PTPRJ: variants seen among roughly 807,000 people sequenced by gnomAD.
PTPRJ encodes the protein protein tyrosine phosphatase receptor type J.
A neutral mutation model predicts 141.3 loss-of-function variants in PTPRJ; 129 were observed. The ratio of observed to expected loss-of-function variants is 0.91; its 90% CI spans 0.79 to 1.06. PTPRJ has a LOEUF of 1.06. PTPRJ is among the 50% of genes least tolerant of loss of function. The probability of loss-of-function intolerance (pLI) is 0.00; values close to 1 mark genes in which losing one functional copy is unlikely to be tolerated. For missense variants in PTPRJ, 1,601 were observed against 1,679.7 expected (o/e 0.95, Z 0.82); for synonymous variants, 610 against 640.5 (o/e 0.95, Z 0.72).
intron 1 of PTPRJ, among the ~76,000 whole-genome samples, chr11:48,049,559 A>G (rs559783625): frequency 3.3e-5 from 5 of 149,376 alleles, no homozygotes; most frequent in South Asian, 2.1e-4. Flanking sequence ...ACAAAACAAA[A>G]CAAAACAAGT....
At chr11:48,111,280 C>CAAAAAA (rs10554961) in intron 2 of PTPRJ, among the ~76,000 whole-genome samples, 18 of 67,214 alleles carry the variant, frequency 2.7e-4, no homozygotes, top group South Asian at 6.0e-4. Flanking sequence ...AACTCCATCT[C>CAAAAAA]AAAAAAAAAA....
rs183335055 is a variant in PTPRJ, at chr11:47,984,153, C to T, written c.96+3145C>T. On this transcript the variant is annotated intron_variant, in intron 1 of 24. Transcript: ENST00000418331. ...CTTTGAGCTGACTTCAAGTTGGGCC[C>T]CACGATAAAGATAACCATGGAATAC... 8.5e-5 allele frequency among the ~76,000 whole-genome samples: 13 copies of T among 152,276 alleles called. No homozygotes were observed. The East Asian group carries it at 2.3e-3, about 27-fold the overall frequency.
At chr11:48,047,207 T>C (rs1854430615) in intron 1 of PTPRJ, among the ~76,000 whole-genome samples, 1 of 152,174 alleles carries the variant, frequency 6.6e-6, no homozygotes, top group Non-Finnish European at 1.5e-5. Context: ...TGAGCCACAG[T>C]GCCAGGCCTT....
rs1395450208 is a variant in PTPRJ, at chr11:48,119,981, T to A, written c.353-1022T>A. On this transcript the variant is annotated intron_variant, in intron 3 of 24. Transcript: ENST00000418331. Reference sequence around the variant, plus strand: ...TTCCACTGGTTTACGATCTTGTACATCTAAGATGATGAAACTAAGGTTCAG... The same window carrying A: ...TTCCACTGGTTTACGATCTTGTACAACTAAGATGATGAAACTAAGGTTCAG... Among the ~76,000 whole-genome samples the A allele has an allele frequency of 9.8e-5, 15 of 152,302 alleles. No homozygotes were observed. The East Asian group carries it at 2.9e-3, about 29-fold the overall frequency.
chr11:48,119,557 C>T (rs1017944086), intron 3 of PTPRJ, among the ~76,000 whole-genome samples: 1 of 152,070 alleles, frequency 6.6e-6, no homozygotes, highest in South Asian at 2.1e-4. Context: ...TGCCACCATG[C>T]CCAATTAATT....
At position 48,168,969 on chromosome 11, in the gene PTPRJ, G is replaced by C. The variant is rs1857991518; in HGVS notation, c.*1607G>C. 6.6e-6 allele frequency: 1 copy of C among 152,130 alleles called. No homozygotes were observed. The highest frequency in any genetic ancestry group is 2.1e-4 in the South Asian group (1 of 4,828). 9.4% of individuals were successfully genotyped at this position (152,130 alleles called of 1,614,324 possible). A position where few individuals can be genotyped will look rare whatever the true frequency, so the allele number is the denominator to read the frequency against. On this transcript the variant is annotated 3_prime_UTR_variant, in exon 25 of 25. Transcript: ENST00000418331. ...CTGGAGTCCTGTGGCTGTTGCCACA[G>C]TAATGTGTCCTGCTGTAAACAGGAC... is the stretch of plus-strand genomic sequence containing the variant.
At chr11:48,126,935 AC>A (rs1856851770) in intron 6 of PTPRJ, among the ~76,000 whole-genome samples, 1 of 152,152 alleles carries the variant, frequency 6.6e-6, no homozygotes, top group African/African-American at 2.4e-5. Flanking sequence ...CCAAGACACG[AC>A]AGAAAGCCAC....
At chr11:48,159,504 G>T (rs1857709754) in intron 21 of PTPRJ, among the ~76,000 whole-genome samples, 1 of 152,178 alleles carries the variant, frequency 6.6e-6, no homozygotes, top group Non-Finnish European at 1.5e-5. Flanking sequence ...TGAAAGCAGG[G>T]CCTGTTGTAG....
chr11:48,112,507 T>C (rs1459302925), intron 2 of PTPRJ, among the ~76,000 whole-genome samples: 1 of 152,208 alleles, frequency 6.6e-6, no homozygotes, highest in Non-Finnish European at 1.5e-5. Flanking sequence ...TTCCTGTGAA[T>C]GACTGTGTGC....
chr11:48,147,038 A>G (rs1423380921), intron 15 of PTPRJ, 75 bp downstream of exon 15: 1 of 1,277,356 alleles, frequency 7.8e-7, no homozygotes, highest in African/African-American at 1.5e-5. Flanking sequence ...TCAAACTTTG[A>G]CAGATTCAGA....
chr11:48,098,390 G>A (rs1371380514), intron 1 of PTPRJ, among the ~76,000 whole-genome samples: 1 of 152,216 alleles, frequency 6.6e-6, no homozygotes, highest in African/African-American at 2.4e-5. Context: ...CTCACAGAGT[G>A]GGCCAGGCTG....
chr11:48,086,611 C>G (rs1203106308), intron 1 of PTPRJ, among the ~76,000 whole-genome samples: 1 of 152,218 alleles, frequency 6.6e-6, no homozygotes, highest in Admixed American at 6.5e-5. Flanking sequence ...TTTCCTTCCT[C>G]CCTAGCCCAG....
intron 1 of PTPRJ, among the ~76,000 whole-genome samples, chr11:48,033,665 A>G (rs80275565): frequency 0.024 from 3,619 of 152,260 alleles, 144 homozygotes; most frequent in African/African-American, 0.083. Flanking sequence ...GGAGCAGTGG[A>G]GAGGAAGACA....
intron 1 of PTPRJ, among the ~76,000 whole-genome samples, chr11:48,064,124 T>C (rs1855013756): frequency 6.6e-6 from 1 of 152,120 alleles, no homozygotes; most frequent in African/African-American, 2.4e-5. Flanking sequence ...CCAGCTTGTG[T>C]TTCCTTCTGT....
chr11:48,050,604 T>C (rs1191896934), intron 1 of PTPRJ, among the ~76,000 whole-genome samples: 2 of 152,352 alleles, frequency 1.3e-5, no homozygotes, highest in Admixed American at 6.5e-5. Context: ...TTGAAGCCCC[T>C]GAGCCTTTAT....
chr11:48,118,935 G>A (rs755257757), intron 3 of PTPRJ, among the ~76,000 whole-genome samples: 2 of 143,338 alleles, frequency 1.4e-5, no homozygotes, highest in South Asian at 2.2e-4. Flanking sequence ...CAGGAGAATC[G>A]CCTGAACCCG....
Position 48,150,194 on chromosome 11 carries a change from G to A in PTPRJ, c.3138+11G>A, listed in dbSNP as rs1301520628. The A allele has an allele frequency of 3.1e-6, 5 of 1,609,820 alleles. No individual in the cohort carries two copies. The highest frequency in any genetic ancestry group is 3.4e-6 in the Non-Finnish European group (4 of 1,176,944). On this transcript the variant is annotated intron_variant, in intron 18 of 24. Transcript: ENST00000418331. ...GCAGAGGAATACGAAGTATGTTGCT[G>A]TAAATACTGTTTTTAATTGTGTCAG...
chr11:48,004,662 CA>C, intron 1 of PTPRJ, among the ~76,000 whole-genome samples: 1 of 152,210 alleles, frequency 6.6e-6, no homozygotes, highest in South Asian at 2.1e-4. Context: ...CCCAGGCCTG[CA>C]GGGGGGAAGA....
intron 1 of PTPRJ, among the ~76,000 whole-genome samples, chr11:48,084,040 T>C (rs1855632268): frequency 6.6e-6 from 1 of 152,214 alleles, no homozygotes; most frequent in African/African-American, 2.4e-5. Flanking sequence ...AAAAGTTTTC[T>C]AGAGAAGAAT....
Sources: allele counts gnomAD v4.1 joint callset (sites outside exome capture counted in the v4.1 genomes callset), GRCh38; gene constraint gnomAD v4.1.1; transcripts MANE v1.5; gene names NCBI Gene and HGNC (gene_info 2026-07-23, HGNC 2026-07-21).